Variants in OR1D2 observed in about 807,000 individuals in gnomAD.
OR1D2 encodes olfactory receptor family 1 subfamily D member 2.
For synonymous variants in OR1D2, 157 were observed against 153.9 expected (o/e 1.02, Z -0.15); for missense variants, 357 against 376.1 (o/e 0.95, Z 0.42).
chr17:3,100,411 A>C (rs2047869416), intron 1 of OR1D2, among the ~76,000 whole-genome samples: 2 of 152,138 alleles, frequency 1.3e-5, no homozygotes. Flanking sequence ...TGAACAACCT[A>C]CTCCTGAATA....
At position 3,102,708 on chromosome 17, in the gene OR1D2, C is replaced by T. The variant is rs75164711; in HGVS notation, c.-51+1391G>A. On this transcript the variant is annotated intron_variant, in intron 1 of 1. Transcript: ENST00000641833. Reference sequence around the variant, plus strand: ...GGACAGCAATAATGCCCACCTCCCCCGGGGTCAGGAGAAAGAGCTGAAATG... The same window carrying T: ...GGACAGCAATAATGCCCACCTCCCCTGGGGTCAGGAGAAAGAGCTGAAATG... 2.4e-4 allele frequency among the ~76,000 whole-genome samples: 36 copies of T among 152,220 alleles called. No homozygotes were observed. In the East Asian group the frequency reaches 4.2e-3, roughly 18 times the overall value.
At chr17:3,098,857 C>T (rs938627458) in intron 1 of OR1D2, among the ~76,000 whole-genome samples, 1 of 152,114 alleles carries the variant, frequency 6.6e-6, no homozygotes, top group Non-Finnish European at 1.5e-5. Flanking sequence ...AGCTGAAAAA[C>T]ATAGCATGAG....
At chr17:3,099,851 A>C (rs2047866524) in intron 1 of OR1D2, among the ~76,000 whole-genome samples, 1 of 152,140 alleles carries the variant, frequency 6.6e-6, no homozygotes, top group Non-Finnish European at 1.5e-5. Context: ...GATGGAAAGC[A>C]AAAAAATAAA....
At position 3,092,777 on chromosome 17, in the gene OR1D2, CAAAG is replaced by C. The variant is rs2047821927; in HGVS notation, c.216_219del (p.Phe72LeufsTer11). 6.2e-7 allele frequency: 1 copy of C among 1,613,826 alleles called. No homozygotes were observed. The highest frequency in any genetic ancestry group is 8.5e-7 in the Non-Finnish European group (1 of 1,180,008). ...AGCATCTTGGGGATTGTGTTGGTGA[CAAAG>C]AAGAGGTCAGTGAAGGAGAGGTTGG... On this transcript the variant is annotated frameshift_variant, in exon 2 of 2. Transcript: ENST00000641833. LOFTEE classifies it low-confidence loss of function (END_TRUNC).
chr17:3,092,999 C>A lies in OR1D2; in HGVS notation c.-3G>T. 1 of 1,613,176 alleles carries A rather than the reference C, an allele frequency of 6.2e-7. No individual in the cohort carries two copies. The highest frequency in any genetic ancestry group is 8.5e-7 in the Non-Finnish European group (1 of 1,179,422). ...TCACTCTGGTTGCCTCCATCCATTT[C>A]CCCAACTCTCTTTTAACATTAACAC... On this transcript the variant is annotated 5_prime_UTR_variant, in exon 2 of 2. Transcript: ENST00000641833.
intron 1 of OR1D2, among the ~76,000 whole-genome samples, chr17:3,097,492 T>TCACTCA (rs1260431171): frequency 2.9e-4 from 44 of 152,308 alleles, no homozygotes; most frequent in African/African-American, 1.0e-3. Context: ...TGAGTGAGCA[T>TCACTCA]GCTACCCAGC....
At chr17:3,102,970 A>G (rs980040424) in intron 1 of OR1D2, among the ~76,000 whole-genome samples, 1 of 152,124 alleles carries the variant, frequency 6.6e-6, no homozygotes, top group Non-Finnish European at 1.5e-5. Flanking sequence ...TCTGTCCGGA[A>G]TGGTCCAGGA....
chr17:3,092,617 C>A lies in OR1D2; in HGVS notation c.380G>T (p.Cys127Phe), dbSNP rs955099965. Residue 127 changes from cysteine (C) to phenylalanine (F), a missense_variant, in exon 2 of 2, where the codon TGC (cysteine) becomes TTC (phenylalanine). Transcript: ENST00000641833. Reference protein sequence around the residue: ...VMAYDRYVAICCPLHYTTAMS... With the variant: ...VMAYDRYVAIFCPLHYTTAMS... ...GGCTGTGGTGTAGTGGAGGGGGCAG[C>A]AGATGGCCACATAGCGGTCATATGC... 2.5e-6 allele frequency: 4 copies of A among 1,613,896 alleles called. No individual in the cohort carries two copies. Among genetic ancestry groups the A allele is most frequent in the African/African-American group, 2.7e-5 (2 of 74,846 alleles).
intron 1 of OR1D2, among the ~76,000 whole-genome samples, chr17:3,095,267 A>C (rs1054194446): frequency 5.9e-5 from 9 of 152,102 alleles, no homozygotes; most frequent in African/African-American, 2.2e-4. Context: ...AGCAAGTAAA[A>C]AAGATTTTTT....
intron 1 of OR1D2, among the ~76,000 whole-genome samples, chr17:3,102,074 T>G (rs112164841): frequency 2.2e-4 from 33 of 152,308 alleles, no homozygotes; most frequent in African/African-American, 5.8e-4. Context: ...ACATATTAAT[T>G]ATTACTGTAC....
Position 3,093,058 on chromosome 17 carries a change from A to G in OR1D2, c.-50-12T>C. 1 of 1,448,260 alleles carries G rather than the reference A, an allele frequency of 6.9e-7. No homozygotes were observed. Among genetic ancestry groups the G allele is most frequent in the Non-Finnish European group, 9.5e-7 (1 of 1,049,878 alleles). 89.7% of individuals were successfully genotyped at this position (1,448,260 alleles called of 1,614,324 possible). A position where few individuals can be genotyped will look rare whatever the true frequency, so the allele number is the denominator to read the frequency against. ...GTTTACCAAAAGTCCTTAATTGAAT[A>G]AAAACATGAAGATAAGCAAAATCAA... On this transcript the variant is annotated splice_polypyrimidine_tract_variant and intron_variant, in intron 1 of 1. Transcript: ENST00000641833.
At position 3,089,885 on chromosome 17, in the gene OR1D2, T is replaced by C. The variant is rs2047796229; in HGVS notation, c.*2173A>G. On this transcript the variant is annotated 3_prime_UTR_variant, in exon 2 of 2. Transcript: ENST00000641833. ...GTCCAAGTGGCCATGTCACTCCCAA[T>C]GTGCCCTACCCCTAACAGTGCTGAG... The C allele has an allele frequency of 6.6e-6, 1 of 152,278 alleles. No individual in the cohort carries two copies. Among genetic ancestry groups the C allele is most frequent in the African/African-American group, 2.4e-5 (1 of 41,450 alleles). 9.4% of individuals were successfully genotyped at this position (152,278 alleles called of 1,614,324 possible).
intron 1 of OR1D2, among the ~76,000 whole-genome samples, chr17:3,098,724 A>G (rs2047859957): frequency 6.6e-6 from 1 of 152,046 alleles, no homozygotes; most frequent in African/African-American, 2.4e-5. Context: ...GTAATAACAA[A>G]CTCCTCCGAG....
rs140897582 is a variant in OR1D2 at position 3,092,169 on chromosome 17, C to T, written c.828G>A (p.Met276Ile). Reference protein sequence around the residue: ...YSVKDSVATVMYAVVTPMMNP... With the variant: ...YSVKDSVATVIYAVVTPMMNP... ...TCATCATGGGTGTCACCACAGCATA[C>T]ATCACTGTGGCTACTGAGTCCTTCA... Residue 276 changes from methionine to isoleucine, a missense_variant, in exon 2 of 2, where the codon ATG (methionine) becomes ATA (isoleucine). By Grantham distance (10) the Met-to-Ile change is conservative. Transcript: ENST00000641833. 827 of 1,613,324 alleles carry T rather than the reference C, an allele frequency of 5.1e-4. 6 individuals carry two copies. The South Asian group carries it at 5.5e-3, about 11-fold the overall frequency.
At chr17:3,103,109 T>G (rs2047881793) in intron 1 of OR1D2, among the ~76,000 whole-genome samples, 1 of 152,134 alleles carries the variant, frequency 6.6e-6, no homozygotes, top group South Asian at 2.1e-4. Flanking sequence ...TTCTTACCAT[T>G]CAGAGCTCTA....
At chr17:3,100,353 A>G (rs1049712661) in intron 1 of OR1D2, among the ~76,000 whole-genome samples, 2 of 152,242 alleles carry the variant, frequency 1.3e-5, no homozygotes, top group African/African-American at 4.8e-5. Context: ...ATCAAATTAG[A>G]ACTCAGGATT....
chr17:3,096,644 A>G (rs1205735939), intron 1 of OR1D2, among the ~76,000 whole-genome samples: 3 of 152,236 alleles, frequency 2.0e-5, no homozygotes, highest in Non-Finnish European at 2.9e-5. Flanking sequence ...AAAGTGAGAC[A>G]TTTTATAATG....
At chr17:3,101,830 A>G (rs1208152649) in intron 1 of OR1D2, among the ~76,000 whole-genome samples, 1 of 152,224 alleles carries the variant, frequency 6.6e-6, no homozygotes, top group Non-Finnish European at 1.5e-5. Context: ...CTCAGGTTAC[A>G]AAATCAATGT....
At chr17:3,097,227 G>T (rs72808831) in intron 1 of OR1D2, among the ~76,000 whole-genome samples, 1 of 152,022 alleles carries the variant, frequency 6.6e-6, no homozygotes, top group Non-Finnish European at 1.5e-5. Flanking sequence ...TATTTCTGTG[G>T]TGTCCATTTT....
Sources: allele counts gnomAD v4.1 joint callset (sites outside exome capture counted in the v4.1 genomes callset), GRCh38; gene constraint gnomAD v4.1.1; transcripts MANE v1.5; gene names NCBI Gene and HGNC (gene_info 2026-07-23, HGNC 2026-07-21).